The following CEP57L1 variants were observed in gnomAD, a reference collection of about 807,000 sequenced individuals.
CEP57L1 encodes the protein centrosomal protein CEP57L1.
A neutral mutation model predicts 61.0 loss-of-function variants in CEP57L1; 37 were observed. The ratio of observed to expected loss-of-function variants is 0.61; its 90% CI spans 0.47 to 0.80. The LOEUF (loss-of-function observed/expected upper bound fraction) is 0.80. CEP57L1 is among the 30% of genes least tolerant of loss of function. CEP57L1 has a pLI of 0.00. For missense variants in CEP57L1, 422 were observed against 524.7 expected (o/e 0.80, Z 1.91); for synonymous variants, 137 against 162.3 (o/e 0.84, Z 1.19).
rs1774482501 is a variant in CEP57L1, at chr6:109,173,246, GTTATATTAATAAT to G, written c.*10279_*10291del. Among the ~76,000 whole-genome samples, 1 of 151,980 alleles carries G rather than the reference GTTATATTAATAAT, an allele frequency of 6.6e-6. No individual in the cohort carries two copies. The highest frequency in any genetic ancestry group is 1.5e-5 in the Non-Finnish European group (1 of 68,002). On this transcript the variant is annotated 3_prime_UTR_variant, in exon 11 of 11. Coordinates refer to ENST00000517392, the MANE Select transcript of CEP57L1 (RefSeq NM_001271852.3). ...TTTCCTGACACTGTATTACTTACAA[GTTATATTAATAAT>G]TTTTATTAATTTTTTTCCTGAATCC...
At chr6:109,131,805 A>G (rs1583506960) in intron 1 of CEP57L1, among the ~76,000 whole-genome samples, 1 of 152,220 alleles carries the variant, frequency 6.6e-6, no homozygotes, top group South Asian at 2.1e-4. Context: ...CTTTACCTCT[A>G]AAGTTGCCTT....
chr6:109,135,061 T>A (rs1774680147), intron 1 of CEP57L1, among the ~76,000 whole-genome samples: 1 of 151,912 alleles, frequency 6.6e-6, no homozygotes, highest in Non-Finnish European at 1.5e-5. Context: ...TGGAAAAAAC[T>A]ACTTTAAAGT....
chr6:109,141,560 C>T (rs1471591056), intron 1 of CEP57L1, among the ~76,000 whole-genome samples: 4 of 151,954 alleles, frequency 2.6e-5, no homozygotes, highest in African/African-American at 9.7e-5. Flanking sequence ...ATGTTACATT[C>T]GTGTATTTAC....
intron 1 of CEP57L1, among the ~76,000 whole-genome samples, chr6:109,111,752 A>G (rs907312863): frequency 6.6e-6 from 1 of 152,184 alleles, no homozygotes; most frequent in African/African-American, 2.4e-5. Flanking sequence ...AATTTTGTCA[A>G]AGGCCTTTCC....
At chr6:109,112,070 A>T (rs965985684) in intron 1 of CEP57L1, among the ~76,000 whole-genome samples, 1 of 151,850 alleles carries the variant, frequency 6.6e-6, no homozygotes, top group Non-Finnish European at 1.5e-5. Flanking sequence ...CTCTTTTTCT[A>T]TTGTTTGGAA....
At chr6:109,106,938 T>C (rs892099784) in intron 1 of CEP57L1, among the ~76,000 whole-genome samples, 1 of 152,112 alleles carries the variant, frequency 6.6e-6, no homozygotes, top group African/African-American at 2.4e-5. Flanking sequence ...AGACTCTATC[T>C]CAAAAAACTA....
chr6:109,140,375 T>C (rs1307789469), intron 1 of CEP57L1: 4 of 151,454 alleles, frequency 2.6e-5, no homozygotes, highest in Non-Finnish European at 5.9e-5. Flanking sequence ...TTCAATTTTG[T>C]TTATAATTTT....
At chr6:109,136,051 C>T (rs1391521542) in intron 1 of CEP57L1, among the ~76,000 whole-genome samples, 9 of 152,130 alleles carry the variant, frequency 5.9e-5, no homozygotes, top group Non-Finnish European at 1.3e-4. Context: ...TTGACCCAGC[C>T]ATCCCATTAC....
At chr6:109,114,166 TACC>T (rs1033203807) in intron 1 of CEP57L1, among the ~76,000 whole-genome samples, 1 of 152,180 alleles carries the variant, frequency 6.6e-6, no homozygotes, top group Non-Finnish European at 1.5e-5. Context: ...CAATTTACAA[TACC>T]ACCTACAGAG....
At chr6:109,128,019 C>T (rs999220730) in intron 1 of CEP57L1, among the ~76,000 whole-genome samples, 1 of 152,114 alleles carries the variant, frequency 6.6e-6, no homozygotes, top group African/African-American at 2.4e-5. Context: ...GGCAGTGAGT[C>T]TCAGCTACCT....
intron 1 of CEP57L1, among the ~76,000 whole-genome samples, chr6:109,108,119 C>G (rs1771144890): frequency 6.6e-6 from 1 of 152,114 alleles, no homozygotes; most frequent in Non-Finnish European, 1.5e-5. Flanking sequence ...TAGTTAGAAA[C>G]TAGTGTTGTC....
intron 1 of CEP57L1, among the ~76,000 whole-genome samples, chr6:109,119,294 A>G (rs568414463): frequency 3.3e-5 from 5 of 152,216 alleles, no homozygotes; most frequent in Non-Finnish European, 7.3e-5. Flanking sequence ...AGTAAAAAAT[A>G]GTTTTAGTGA....
chr6:109,156,171 A>G (rs183300161), intron 7 of CEP57L1: 1 of 176,874 alleles, frequency 5.7e-6, no homozygotes, highest in East Asian at 1.4e-4. Context: ...TTGTGAAATA[A>G]CAGGAAGCAC....
chr6:109,142,021 A>T (rs1771438014), intron 1 of CEP57L1, among the ~76,000 whole-genome samples: 1 of 152,206 alleles, frequency 6.6e-6, no homozygotes, highest in African/African-American at 2.4e-5. Context: ...GTTTTCCTCT[A>T]TAAAAAGTAA....
intron 1 of CEP57L1, among the ~76,000 whole-genome samples, chr6:109,124,281 T>C (rs1773299951): frequency 6.6e-6 from 1 of 152,220 alleles, no homozygotes; most frequent in African/African-American, 2.4e-5. Context: ...GTACCTGGCA[T>C]GCGAGACTCC....
At chr6:109,160,533 A>C in intron 9 of CEP57L1, 39 bp from the exon 10 acceptor site, 1 of 1,457,824 alleles carries the variant, frequency 6.9e-7, no homozygotes, top group Non-Finnish European at 9.3e-7. Context: ...TATATGCAAT[A>C]AACTATAATA....
intron 1 of CEP57L1, among the ~76,000 whole-genome samples, chr6:109,120,686 C>T (rs1055748553): frequency 6.6e-6 from 1 of 151,772 alleles, no homozygotes; most frequent in Non-Finnish European, 1.5e-5. Flanking sequence ...ATTATACTAA[C>T]ATATCATCCC....
At position 109,137,635 on chromosome 6, in the gene CEP57L1, G is replaced by A. The variant is rs1179905456; in HGVS notation, c.-3-7584G>A. 4.6e-5 allele frequency among the ~76,000 whole-genome samples: 7 copies of A among 152,152 alleles called. No individual in the cohort carries two copies. The East Asian group carries it at 9.6e-4, about 21-fold the overall frequency. On this transcript the variant is annotated intron_variant, in intron 1 of 10. Coordinates refer to ENST00000517392, the MANE Select transcript of CEP57L1 (RefSeq NM_001271852.3). Reference sequence around the variant, plus strand: ...CTTTTAATGGCTGTATAATTTTACAGTATATGATTGTCATGTAATGAGTTA... The same window carrying A: ...CTTTTAATGGCTGTATAATTTTACAATATATGATTGTCATGTAATGAGTTA...
intron 1 of CEP57L1, among the ~76,000 whole-genome samples, chr6:109,141,657 G>T (rs1325261565): frequency 6.6e-6 from 1 of 151,480 alleles, no homozygotes; most frequent in Non-Finnish European, 1.5e-5. Context: ...ATTATTATGG[G>T]ATATCTATAA....
Sources: gnomAD v4.1 joint callset for allele counts (sites outside exome capture counted in the v4.1 genomes callset) on GRCh38, gnomAD v4.1.1 for gene constraint, MANE v1.5 for transcripts, NCBI Gene and HGNC (gene_info 2026-07-23, HGNC 2026-07-21) for gene names.